The following QRSL1 variants were observed in gnomAD, a reference collection of about 807,000 sequenced individuals.
QRSL1 encodes glutamyl-tRNA(Gln) amidotransferase subunit A, mitochondrial.
In QRSL1, 54 loss-of-function variants were observed where a neutral mutation model predicts 61.6. The observed-to-expected ratio is 0.88, with a 90% CI of 0.70 to 1.10. QRSL1 has a LOEUF of 1.10. QRSL1 is among the 50% of genes least tolerant of loss of function. The pLI is 0.00. For synonymous variants in QRSL1, 228 were observed against 225.7 expected, an observed-to-expected ratio of 1.01 and a Z score of -0.09; for missense variants, 505 against 622.6, an observed-to-expected ratio of 0.81 and a Z score of 2.01.
chr6:106,647,707 G>T (rs1199483941), intron 4 of QRSL1, among the ~76,000 whole-genome samples: 1 of 122,754 alleles, frequency 8.1e-6, no homozygotes, highest in Non-Finnish European at 1.6e-5. Flanking sequence ...CTAGAGTGCA[G>T]TGGCGCGATC....
intron 5 of QRSL1, among the ~76,000 whole-genome samples, chr6:106,651,884 C>T (rs1777192136): frequency 6.6e-6 from 1 of 152,036 alleles, no homozygotes; most frequent in South Asian, 2.1e-4. Flanking sequence ...TTTACATTTT[C>T]AGGAATTTTA....
chr6:106,654,361 AAAG>A (rs1777233581), intron 7 of QRSL1, among the ~76,000 whole-genome samples: 1 of 152,216 alleles, frequency 6.6e-6, no homozygotes, highest in Non-Finnish European at 1.5e-5. Flanking sequence ...AAAAAAAAAA[AAAG>A]AAAATCATCT....
chr6:106,661,638 A>G (rs1005098276), intron 9 of QRSL1, among the ~76,000 whole-genome samples: 10 of 141,032 alleles, frequency 7.1e-5, no homozygotes, highest in Non-Finnish European at 1.2e-4. Context: ...GAGCAGGTAT[A>G]TCCATTTTTA....
chr6:106,655,029 A>T (rs1777245341), intron 8 of QRSL1, 107 bp downstream of exon 8: 1 of 1,056,566 alleles, frequency 9.5e-7, no homozygotes, highest in African/African-American at 1.6e-5. Context: ...TTAGTGATTC[A>T]GAAAAGTTCA....
chr6:106,644,325 T>G (rs2114705597), intron 4 of QRSL1, among the ~76,000 whole-genome samples: 1 of 152,168 alleles, frequency 6.6e-6, no homozygotes, highest in Middle Eastern at 3.4e-3. Flanking sequence ...CAGGCCCATT[T>G]TTTCCTTTAT....
intron 9 of QRSL1, among the ~76,000 whole-genome samples, chr6:106,662,523 CTCTT>C (rs1393878224): frequency 6.8e-6 from 1 of 147,576 alleles, no homozygotes; most frequent in African/African-American, 2.5e-5. Flanking sequence ...AATGCCTAAA[CTCTT>C]TATTTAACCA....
At chr6:106,643,145 A>G in intron 4 of QRSL1, 55 bp downstream of exon 4, 3 of 1,226,510 alleles carry the variant, frequency 2.4e-6, no homozygotes, top group Admixed American at 4.1e-5. Flanking sequence ...CTTTATTTTC[A>G]CTAAATGTAG....
intron 3 of QRSL1, 159 bp from the exon 4 acceptor site, chr6:106,642,835 C>T: frequency 1.3e-6 from 1 of 760,020 alleles, no homozygotes; most frequent in African/African-American, 1.7e-5. Flanking sequence ...AACTGACGTG[C>T]CAGCCTGCTC....
chr6:106,636,507 G>A lies in QRSL1; in HGVS notation c.25-3842G>A, dbSNP rs1231524352. 2.0e-5 allele frequency among the ~76,000 whole-genome samples: 3 copies of A among 152,064 alleles called. No individual in the cohort carries two copies. The East Asian group carries it at 5.8e-4, about 29-fold the overall frequency. Reference sequence around the variant, plus strand: ...AGCTAATTTTTGTATTTTTAGTAGAGACGGGGTTTCACCGTGTTGGCCAGG... The same window carrying A: ...AGCTAATTTTTGTATTTTTAGTAGAAACGGGGTTTCACCGTGTTGGCCAGG... On this transcript the variant is annotated intron_variant, in intron 1 of 10. Coordinates refer to ENST00000369046, the MANE Select transcript of QRSL1 (RefSeq NM_018292.5).
At chr6:106,645,009 G>C (rs1777085961) in intron 4 of QRSL1, among the ~76,000 whole-genome samples, 1 of 151,918 alleles carries the variant, frequency 6.6e-6, no homozygotes, top group African/African-American at 2.4e-5. Context: ...TCCTTTTCTT[G>C]TTGAATGATC....
intron 9 of QRSL1, among the ~76,000 whole-genome samples, chr6:106,660,436 C>A (rs1301733521): frequency 6.6e-6 from 1 of 151,966 alleles, no homozygotes; most frequent in Non-Finnish European, 1.5e-5. Flanking sequence ...ATCCTACCCC[C>A]AGCCACCCCA....
At chr6:106,650,030 A>AT (rs1334032726) in intron 5 of QRSL1, among the ~76,000 whole-genome samples, 3 of 151,926 alleles carry the variant, frequency 2.0e-5, no homozygotes, top group Admixed American at 6.6e-5. Flanking sequence ...AGTTCTACAG[A>AT]TTTTTTTTCA....
In QRSL1 at chr6:106,661,686, C is replaced by CTTTT. The variant is rs572306794; in HGVS notation, c.1161-1262_1161-1259dup. ...CTGTTGTGGAAAAGAATGGTTAGTTCTTTTTTTTTTTTTTTTTTTTTTTTT... is the reference window on the plus strand; with the variant it reads ...CTGTTGTGGAAAAGAATGGTTAGTTCTTTTTTTTTTTTTTTTTTTTTTTTTTTTT... On this transcript the variant is annotated intron_variant, in intron 9 of 10. Transcript: ENST00000369046. Among the ~76,000 whole-genome samples, 44 of 55,094 alleles carry CTTTT rather than the reference C, an allele frequency of 8.0e-4. 3 individuals carry two copies. The highest frequency in any genetic ancestry group is 0.019 in the Middle Eastern group (1 of 52). The allele number at this position is 55,094 out of a possible 152,430, so 36.1% of individuals were successfully genotyped here. A position where few individuals can be genotyped will look rare whatever the true frequency, so the allele number is the denominator to read the frequency against.
intron 8 of QRSL1, 110 bp from the exon 9 acceptor site, chr6:106,655,505 A>T: frequency 3.3e-6 from 2 of 613,232 alleles, no homozygotes; most frequent in Non-Finnish European, 5.8e-6. Context: ...ACAGAGTGAG[A>T]CTCCATCTCA....
At chr6:106,643,243 CTA>C (rs1777051204) in intron 4 of QRSL1, among the ~76,000 whole-genome samples, 153 bp downstream of exon 4, 1 of 152,160 alleles carries the variant, frequency 6.6e-6, no homozygotes. Context: ...ATAGTCATCT[CTA>C]ATTTTGCTTT....
In QRSL1 at chr6:106,655,602, T is replaced by C; in HGVS notation, c.1043-13T>C. The stretch of plus-strand genomic sequence containing the variant: ...TTCCTTTCAAGTAATGTTTACCCTT[T>C]TCTTGTTTTCAGGTCACAGATGTGA... On this transcript the variant is annotated splice_polypyrimidine_tract_variant and intron_variant, in intron 8 of 10. Coordinates refer to ENST00000369046, the MANE Select transcript of QRSL1 (RefSeq NM_018292.5). 6.4e-7 allele frequency: 1 copy of C among 1,569,862 alleles called. No individual in the cohort carries two copies. Among genetic ancestry groups the C allele is most frequent in the Non-Finnish European group, 8.8e-7 (1 of 1,141,662 alleles).
At chr6:106,639,125 T>TTG (rs1554200734) in intron 1 of QRSL1, among the ~76,000 whole-genome samples, 9 of 133,260 alleles carry the variant, frequency 6.8e-5, no homozygotes, top group African/African-American at 2.7e-4. Context: ...TGTTGTTTTT[T>TTG]TTTTTTTTTT....
At chr6:106,650,533 TTTGTTTACCCCTTTTTG>T (rs1777175466) in intron 5 of QRSL1, among the ~76,000 whole-genome samples, 4 of 2,406 alleles carry the variant, frequency 1.7e-3, no homozygotes, top group South Asian at 4.3e-3. Context: ...TTATTTTTGA[TTTGTTTACCCCTTTTTG>T]ATTTGTTTAC....
intron 7 of QRSL1, chr6:106,653,790 C>G (rs1194358772): frequency 6.8e-6 from 1 of 148,122 alleles, no homozygotes; most frequent in Non-Finnish European, 1.5e-5. Flanking sequence ...CACCACTGCA[C>G]TCCACCCTAG....
Sources: allele counts gnomAD v4.1 joint callset (sites outside exome capture counted in the v4.1 genomes callset), GRCh38; gene constraint gnomAD v4.1.1; transcripts MANE v1.5; gene names NCBI Gene and HGNC (gene_info 2026-07-23, HGNC 2026-07-21).